PTN: variants seen among roughly 807,000 people sequenced by gnomAD.
PTN encodes the protein heparin affin regulatory protein.
A neutral mutation model predicts 24.1 loss-of-function variants in PTN; 18 were observed. The ratio of observed to expected loss-of-function variants is 0.75; its 90% CI spans 0.52 to 1.11. PTN has a LOEUF of 1.11. PTN is among the 50% of genes least tolerant of loss of function. The pLI is 0.00. For synonymous variants in PTN, 78 were observed against 68.6 expected, an observed-to-expected ratio of 1.14 and a Z score of -0.67; for missense variants, 163 against 198.8, an observed-to-expected ratio of 0.82 and a Z score of 1.08.
chr7:137,316,433 G>A (rs921439132), intron 1 of PTN, among the ~76,000 whole-genome samples: 25 of 152,056 alleles, frequency 1.6e-4, no homozygotes, highest in Admixed American at 4.6e-4. Context: ...AAGTCTCTTT[G>A]GAGGCCTAAC....
intron 1 of PTN, among the ~76,000 whole-genome samples, chr7:137,261,380 AACAT>A (rs1158219356): frequency 1.3e-5 from 2 of 152,344 alleles, no homozygotes; most frequent in East Asian, 3.9e-4. Context: ...ACATTACATA[AACAT>A]TAGTCTCATG....
chr7:137,274,001 A>T (rs1274449112), intron 1 of PTN, among the ~76,000 whole-genome samples: 1 of 151,682 alleles, frequency 6.6e-6, no homozygotes, highest in Non-Finnish European at 1.5e-5. Context: ...AGGAGTCCAG[A>T]ATAAGCACTA....
Position 137,227,516 on chromosome 7 carries a change from C to A in PTN, c.*504G>T, listed in dbSNP as rs1479269354. 1 of 150,356 alleles carries A rather than the reference C, an allele frequency of 6.7e-6. No individual in the cohort carries two copies. 9.3% of individuals were successfully genotyped at this position (150,356 alleles called of 1,614,324 possible). On this transcript the variant is annotated 3_prime_UTR_variant, in exon 5 of 5. Coordinates refer to ENST00000348225, the MANE Select transcript of PTN (RefSeq NM_002825.7). Reference sequence around the variant, plus strand: ...AACTAGGACATGCTCTGCTTCCCCACCCCCATTTTGCTGACTACATTTTAA... The same window carrying A: ...AACTAGGACATGCTCTGCTTCCCCAACCCCATTTTGCTGACTACATTTTAA...
At chr7:137,267,489 C>T (rs376385104) in intron 1 of PTN, among the ~76,000 whole-genome samples, 37 of 152,286 alleles carry the variant, frequency 2.4e-4, no homozygotes, top group Admixed American at 1.7e-3. Flanking sequence ...TGCCATACCT[C>T]TGAAACAAGG....
Position 137,245,215 on chromosome 7 carries a change from A to G in PTN, c.451+6015T>C, listed in dbSNP as rs1808702181. Among the ~76,000 whole-genome samples, 2 of 152,224 alleles carry G rather than the reference A, an allele frequency of 1.3e-5. 1 individual carries two copies. Among genetic ancestry groups the G allele is most frequent in the South Asian group, 4.1e-4 (2 of 4,832 alleles). On this transcript the variant is annotated intron_variant, in intron 4 of 4. Coordinates refer to ENST00000348225, the MANE Select transcript of PTN (RefSeq NM_002825.7). ...TATCAAACAAACAAAACAGATCCTG[A>G]TCATATGTTTGATTAGAATGATAAA... is the stretch of plus-strand genomic sequence containing the variant.
chr7:137,284,338 T>A (rs1289743683), intron 1 of PTN, among the ~76,000 whole-genome samples: 1 of 152,128 alleles, frequency 6.6e-6, no homozygotes, highest in African/African-American at 2.4e-5. Flanking sequence ...TCTGAAGTTC[T>A]GCACAGTTAC....
At chr7:137,230,570 A>G (rs1329149891) in intron 4 of PTN, among the ~76,000 whole-genome samples, 8 of 151,768 alleles carry the variant, frequency 5.3e-5, no homozygotes, top group Non-Finnish European at 1.0e-4. Context: ...TACATAACAA[A>G]GTGTTCAAAT....
In PTN at chr7:137,235,871, C is replaced by A. The variant is rs549241061; in HGVS notation, c.452-7796G>T. Among the ~76,000 whole-genome samples the A allele has an allele frequency of 2.0e-5, 3 of 152,016 alleles. No individual in the cohort carries two copies. In the South Asian group the frequency reaches 6.2e-4, roughly 31 times the overall value. ...CATTTGCTTTCTGATATCAAGTATA[C>A]GTGAATAAAAGATAGTACATATATT... On this transcript the variant is annotated intron_variant, in intron 4 of 4. Coordinates refer to ENST00000348225, the MANE Select transcript of PTN (RefSeq NM_002825.7).
At chr7:137,331,418 A>C (rs887206900) in intron 1 of PTN, among the ~76,000 whole-genome samples, 6 of 152,202 alleles carry the variant, frequency 3.9e-5, no homozygotes, top group Admixed American at 2.6e-4. Context: ...CTTCAGGCCA[A>C]AGTTGGTGGG....
intron 1 of PTN, among the ~76,000 whole-genome samples, chr7:137,297,755 A>G (rs990511282): frequency 6.6e-6 from 1 of 152,040 alleles, no homozygotes; most frequent in Non-Finnish European, 1.5e-5. Flanking sequence ...CGGCAAACGA[A>G]TCTATTGATT....
chr7:137,271,335 A>C (rs1296460632), intron 1 of PTN, among the ~76,000 whole-genome samples: 1 of 152,206 alleles, frequency 6.6e-6, no homozygotes, highest in Non-Finnish European at 1.5e-5. Flanking sequence ...TGACTTGGTA[A>C]TATAGTAGAA....
chr7:137,278,046 G>A (rs1249002265), intron 1 of PTN, among the ~76,000 whole-genome samples: 4 of 151,650 alleles, frequency 2.6e-5, no homozygotes, highest in South Asian at 4.2e-4. Flanking sequence ...GGTGGCTCAC[G>A]CCTGTAATCC....
At chr7:137,278,934 C>T (rs1206038162) in intron 1 of PTN, among the ~76,000 whole-genome samples, 1 of 119,766 alleles carries the variant, frequency 8.3e-6, no homozygotes, top group Non-Finnish European at 1.8e-5. Context: ...AAGTGAGACT[C>T]CATCTCAGAA....
intron 1 of PTN, among the ~76,000 whole-genome samples, chr7:137,322,236 C>A (rs1253581364): frequency 6.6e-6 from 1 of 152,138 alleles, no homozygotes; most frequent in Non-Finnish European, 1.5e-5. Context: ...GCTATCAGGG[C>A]TTAGAAGAAT....
chr7:137,285,807 T>C (rs563058927), intron 1 of PTN, among the ~76,000 whole-genome samples: 1 of 152,374 alleles, frequency 6.6e-6, no homozygotes, highest in Admixed American at 6.5e-5. Context: ...ATCATCTTTC[T>C]ACCCGTCTCC....
At chr7:137,247,479 G>A (rs565022754) in intron 4 of PTN, among the ~76,000 whole-genome samples, 53 of 152,230 alleles carry the variant, frequency 3.5e-4, no homozygotes, top group Admixed American at 2.2e-3. Context: ...CAAACTCAAG[G>A]ACATAGAGAG....
chr7:137,296,207 T>C (rs992710718), intron 1 of PTN, among the ~76,000 whole-genome samples: 11 of 152,224 alleles, frequency 7.2e-5, no homozygotes, highest in East Asian at 5.8e-4. Flanking sequence ...GATAAACATA[T>C]GTGAAATTAT....
At chr7:137,283,704 TA>T (rs747461538) in intron 1 of PTN, among the ~76,000 whole-genome samples, 4 of 152,142 alleles carry the variant, frequency 2.6e-5, no homozygotes, top group African/African-American at 7.2e-5. Flanking sequence ...TATTTGCTAC[TA>T]AAAAATATGC....
intron 4 of PTN, among the ~76,000 whole-genome samples, chr7:137,245,596 T>A (rs946555097): frequency 5.8e-4 from 88 of 152,018 alleles, no homozygotes; most frequent in African/African-American, 1.8e-3. Flanking sequence ...TAGAGTGTAT[T>A]CCTTCTTCTT....
Sources: allele counts gnomAD v4.1 joint callset (sites outside exome capture counted in the v4.1 genomes callset), GRCh38; gene constraint gnomAD v4.1.1; transcripts MANE v1.5; gene names NCBI Gene and HGNC (gene_info 2026-07-23, HGNC 2026-07-21).